The following GABRG3 variants were observed in gnomAD, a reference collection of about 807,000 sequenced individuals.
GABRG3 encodes the protein gamma-aminobutyric acid receptor subunit gamma-3.
GABRG3 carries 25 observed loss-of-function variants against 48.8 expected under a neutral mutation model. That is an observed-to-expected ratio of 0.51 (90% CI 0.37 to 0.72). The LOEUF (loss-of-function observed/expected upper bound fraction) is 0.72. GABRG3 is among the 30% of genes least tolerant of loss of function. The pLI is 0.00. For synonymous variants in GABRG3, 227 were observed against 217.6 expected (o/e 1.04, Z -0.38); for missense variants, 394 against 577.9 (o/e 0.68, Z 3.26).
chr15:27,233,304 TA>T (rs1409844284), intron 3 of GABRG3, among the ~76,000 whole-genome samples: 5 of 151,988 alleles, frequency 3.3e-5, no homozygotes, highest in African/African-American at 1.2e-4. Context: ...CTAGCGAGCA[TA>T]AAAAAGTGGA....
chr15:27,272,308 G>C (rs1891116546), intron 3 of GABRG3, among the ~76,000 whole-genome samples: 1 of 152,210 alleles, frequency 6.6e-6, no homozygotes, highest in African/African-American at 2.4e-5. Context: ...GAGTATTTAG[G>C]TTCCACTGTC....
chr15:27,206,000 T>C (rs538945049), intron 3 of GABRG3, among the ~76,000 whole-genome samples: 31 of 152,242 alleles, frequency 2.0e-4, no homozygotes, highest in Non-Finnish European at 8.8e-5. Context: ...ATGTTACTTA[T>C]TCTTTCAAAG....
Position 27,016,920 on chromosome 15 carries a change from C to T in GABRG3, c.203-9834C>T, listed in dbSNP as rs1203902629. ...TTTTAAATTCGCTTAATGTATTCCT[C>T]ACTCCAAGTAGTTTTGTTTGTTTCT... On this transcript the variant is annotated intron_variant, in intron 2 of 9. Transcript: ENST00000615808. Among the ~76,000 whole-genome samples, 2 of 152,170 alleles carry T rather than the reference C, an allele frequency of 1.3e-5. 1 individual carries two copies. The highest frequency in any genetic ancestry group is 2.9e-5 in the Non-Finnish European group (2 of 68,036).
chr15:27,207,329 C>T (rs745649670), intron 3 of GABRG3, among the ~76,000 whole-genome samples: 15 of 152,168 alleles, frequency 9.9e-5, no homozygotes, highest in Non-Finnish European at 1.9e-4. Flanking sequence ...ATAACCATGT[C>T]CAAGACATAG....
chr15:27,434,539 AT>A (rs1415244736), intron 5 of GABRG3, among the ~76,000 whole-genome samples: 1 of 152,202 alleles, frequency 6.6e-6, no homozygotes, highest in Non-Finnish European at 1.5e-5. Context: ...ATATATAATT[AT>A]CAAATCCAGA....
intron 2 of GABRG3, among the ~76,000 whole-genome samples, chr15:27,006,849 C>CT (rs143057884): frequency 0.34 from 51,092 of 148,100 alleles, 9,042 homozygotes; most frequent in South Asian, 0.42. Flanking sequence ...TTTTTTTTTT[C>CT]TTTTTTTTGA....
At chr15:27,476,078 C>A (rs1469269730) in intron 5 of GABRG3, among the ~76,000 whole-genome samples, 2 of 152,064 alleles carry the variant, frequency 1.3e-5, no homozygotes, top group Non-Finnish European at 2.9e-5. Context: ...AAAAAGCCAG[C>A]AAAGAACTCA....
At chr15:27,098,865 GT>G (rs1304473968) in intron 3 of GABRG3, among the ~76,000 whole-genome samples, 1 of 151,824 alleles carries the variant, frequency 6.6e-6, no homozygotes, top group Admixed American at 6.6e-5. Context: ...TTTGCTCTTG[GT>G]TTCCTCTTAG....
intron 5 of GABRG3, among the ~76,000 whole-genome samples, chr15:27,426,664 A>AAATG (rs1451031286): frequency 7.2e-5 from 11 of 152,040 alleles, no homozygotes; most frequent in African/African-American, 2.7e-4. Context: ...ATAAATAAAT[A>AAATG]AAAAATAAAA....
chr15:27,238,473 T>C (rs1035684889), intron 3 of GABRG3, among the ~76,000 whole-genome samples: 1 of 152,190 alleles, frequency 6.6e-6, no homozygotes, highest in African/African-American at 2.4e-5. Context: ...CTGGAGGATA[T>C]TGTGGAGTTA....
rs559190408 is a variant in GABRG3, at chr15:27,534,670, A to G, written c.*1789A>G. 2.6e-5 allele frequency: 4 copies of G among 152,350 alleles called. No homozygotes were observed. The highest frequency in any genetic ancestry group is 2.0e-4 in the Admixed American group (3 of 15,308). 9.4% of individuals were successfully genotyped at this position (152,350 alleles called of 1,614,324 possible). ...TATAGAAAAGTATCAATTTCACACA[A>G]TGTCCTGGATGTATACCAGACACAG... On this transcript the variant is annotated 3_prime_UTR_variant, in exon 10 of 10. Coordinates refer to ENST00000615808, the MANE Select transcript of GABRG3 (RefSeq NM_033223.5).
intron 3 of GABRG3, among the ~76,000 whole-genome samples, chr15:27,172,762 G>C (rs558608043): frequency 7.9e-5 from 12 of 152,218 alleles, no homozygotes; most frequent in African/African-American, 2.9e-4. Flanking sequence ...TGCAGACCCG[G>C]TTACCCAGGG....
intron 3 of GABRG3, among the ~76,000 whole-genome samples, chr15:27,251,048 A>G (rs1890439021): frequency 1.3e-5 from 2 of 152,178 alleles, no homozygotes; most frequent in South Asian, 4.1e-4. Context: ...TCCCACGCTG[A>G]TAGCTCTGAC....
chr15:26,992,018 C>G (rs1895259070), intron 2 of GABRG3, among the ~76,000 whole-genome samples: 1 of 152,168 alleles, frequency 6.6e-6, no homozygotes, highest in East Asian at 1.9e-4. Flanking sequence ...TGCGCCCAGC[C>G]TAAAATTTCT....
intron 5 of GABRG3, among the ~76,000 whole-genome samples, chr15:27,376,145 A>G (rs1046459529): frequency 6.6e-6 from 1 of 152,232 alleles, no homozygotes; most frequent in Non-Finnish European, 1.5e-5. Flanking sequence ...TCAAACCTTA[A>G]AGCTCCAAAA....
rs145617426 is a variant in GABRG3, at chr15:27,257,156, G to A, written c.271-69653G>A. Among the ~76,000 whole-genome samples the A allele has an allele frequency of 6.3e-3, 952 of 151,992 alleles. 7 individuals carry two copies. Among genetic ancestry groups the A allele is most frequent in the African/African-American group, 0.022 (904 of 41,458 alleles). ...TTGTGGTTTTAATTTGCATTTCTTC[G>A]ATGATTAGTGGTATGGATCATTTTT... On this transcript the variant is annotated intron_variant, in intron 3 of 9. Coordinates refer to ENST00000615808, the MANE Select transcript of GABRG3 (RefSeq NM_033223.5).
At chr15:27,037,987 C>T (rs529719515) in intron 3 of GABRG3, among the ~76,000 whole-genome samples, 106 of 152,262 alleles carry the variant, frequency 7.0e-4, no homozygotes, top group African/African-American at 2.4e-3. Context: ...CCCAGCCAGG[C>T]TCTGGCCAGC....
rs1249040388 is a variant in GABRG3, at chr15:27,192,237, C to T, written c.271-134572C>T. Among the ~76,000 whole-genome samples the T allele has an allele frequency of 6.6e-5, 10 of 152,062 alleles. No homozygotes were observed. The South Asian group carries it at 1.5e-3, about 22-fold the overall frequency. ...CTCTTCTCAAGGAGTATCTTTGTGG[C>T]GTTCTCTGTATTTCCTGAATCTGAA... On this transcript the variant is annotated intron_variant, in intron 3 of 9. Transcript: ENST00000615808.
chr15:27,236,878 C>T lies in GABRG3; in HGVS notation c.271-89931C>T, dbSNP rs1262501745. 3.3e-5 allele frequency among the ~76,000 whole-genome samples: 5 copies of T among 152,176 alleles called. No homozygotes were observed. The highest frequency in any genetic ancestry group is 1.3e-4 in the Admixed American group (2 of 15,282). On this transcript the variant is annotated intron_variant, in intron 3 of 9. Transcript: ENST00000615808. The surrounding 1 kb of genome is among the most constrained non-coding windows in gnomAD (Gnocchi z 4.4). Reference sequence around the variant, plus strand: ...TTCCTCCAATAGCTTATTGAATATACGTATCCATCCCCCCACTCAGCAGAC... The same window carrying T: ...TTCCTCCAATAGCTTATTGAATATATGTATCCATCCCCCCACTCAGCAGAC...
Sources: gnomAD v4.1 joint callset for allele counts (sites outside exome capture counted in the v4.1 genomes callset) on GRCh38, gnomAD v4.1.1 for gene constraint, Gnocchi (gnomAD v3.1) non-coding constraint, MANE v1.5 for transcripts, NCBI Gene and HGNC (gene_info 2026-07-23, HGNC 2026-07-21) for gene names.